Variants in CDH13 observed in about 807,000 individuals in gnomAD.
CDH13 encodes the protein cadherin 13.
CDH13 carries 24 observed loss-of-function variants against 63.8 expected under a neutral mutation model. The ratio of observed to expected loss-of-function variants is 0.38; its 90% CI spans 0.27 to 0.53. The LOEUF is 0.53. Ranked by LOEUF, CDH13 falls within the 20% of genes least tolerant of loss-of-function variation. The pLI is 0.85. For missense variants in CDH13, 1,049 were observed against 903.1 expected (o/e 1.16, Z -2.07); for synonymous variants, 503 against 355.3 (o/e 1.42, Z -4.67).
At chr16:82,887,209 A>G (rs1424629581) in intron 2 of CDH13, among the ~76,000 whole-genome samples, 1 of 152,150 alleles carries the variant, frequency 6.6e-6, no homozygotes, top group Non-Finnish European at 1.5e-5. Context: ...AAAGGGCCAA[A>G]TAATACATAC....
chr16:82,780,215 A>G (rs1446146701), intron 1 of CDH13, among the ~76,000 whole-genome samples: 1 of 152,200 alleles, frequency 6.6e-6, no homozygotes, highest in Non-Finnish European at 1.5e-5. Context: ...ATGTCGACCC[A>G]CAAGTGGTTA....
chr16:82,807,932 C>CT (rs1256006260), intron 1 of CDH13, among the ~76,000 whole-genome samples: 1 of 152,126 alleles, frequency 6.6e-6, no homozygotes, highest in African/African-American at 2.4e-5. Context: ...TTAAAACGAT[C>CT]AAAGGGAATT....
At chr16:83,152,921 G>A (rs186109795) in intron 4 of CDH13, among the ~76,000 whole-genome samples, 27 of 152,274 alleles carry the variant, frequency 1.8e-4, no homozygotes, top group Non-Finnish European at 3.7e-4. Context: ...AAAGAACACT[G>A]TGTGAGCAGG....
At chr16:82,875,170 G>A (rs2040463362) in intron 2 of CDH13, among the ~76,000 whole-genome samples, 1 of 152,210 alleles carries the variant, frequency 6.6e-6, no homozygotes, top group African/African-American at 2.4e-5. Context: ...TTTTGCGTAT[G>A]ACAAAAGTTG....
chr16:82,685,356 A>G (rs1366057961), intron 1 of CDH13, among the ~76,000 whole-genome samples: 2 of 152,152 alleles, frequency 1.3e-5, no homozygotes, highest in Non-Finnish European at 2.9e-5. Context: ...AGGGATCTGG[A>G]TGGAGCCTCT....
At chr16:83,175,413 G>A (rs1050898097) in intron 4 of CDH13, among the ~76,000 whole-genome samples, 8 of 151,968 alleles carry the variant, frequency 5.3e-5, no homozygotes, top group Admixed American at 1.3e-4. Flanking sequence ...CTATTAATTC[G>A]GCTCTGTTTC....
At chr16:83,730,325 G>A (rs74834521) in intron 10 of CDH13, among the ~76,000 whole-genome samples, 2,935 of 152,302 alleles carry the variant, frequency 0.019, 37 homozygotes, top group Middle Eastern at 0.034. Flanking sequence ...CTCATTTGAT[G>A]TTATTAACCT....
chr16:83,521,895 A>C (rs1338813186), intron 7 of CDH13, among the ~76,000 whole-genome samples: 2 of 152,214 alleles, frequency 1.3e-5, no homozygotes, highest in African/African-American at 4.8e-5. Flanking sequence ...TCATCCTACT[A>C]TATGAGGTCG....
chr16:82,957,399 A>AT (rs1305409918), intron 2 of CDH13, among the ~76,000 whole-genome samples: 2 of 152,172 alleles, frequency 1.3e-5, no homozygotes, highest in Admixed American at 6.5e-5. Flanking sequence ...GAATCACACC[A>AT]TTTTTTGCTA....
chr16:83,588,134 C>T (rs1003948396), intron 7 of CDH13, among the ~76,000 whole-genome samples: 1 of 152,182 alleles, frequency 6.6e-6, no homozygotes, highest in East Asian at 1.9e-4. Flanking sequence ...AGCCCATCAG[C>T]TCCAAAGCAG....
intron 1 of CDH13, among the ~76,000 whole-genome samples, chr16:82,835,581 G>A (rs1242908521): frequency 6.6e-6 from 1 of 152,174 alleles, no homozygotes; most frequent in African/African-American, 2.4e-5. Flanking sequence ...CAATTCCGCT[G>A]CTGGTTATTT....
chr16:82,681,851 G>C (rs1191038299), intron 1 of CDH13, among the ~76,000 whole-genome samples: 1 of 152,252 alleles, frequency 6.6e-6, no homozygotes, highest in Admixed American at 6.5e-5. Context: ...TGCACTCCAG[G>C]TGGGGTCCAG....
At chr16:83,541,143 A>G (rs190848108) in intron 7 of CDH13, among the ~76,000 whole-genome samples, 2 of 152,200 alleles carry the variant, frequency 1.3e-5, no homozygotes, top group South Asian at 2.1e-4. Flanking sequence ...TCTGGCCTAC[A>G]CTAGTGCCCA....
At chr16:83,463,625 A>AC (rs2073235149) in intron 6 of CDH13, among the ~76,000 whole-genome samples, 1 of 152,012 alleles carries the variant, frequency 6.6e-6, no homozygotes, top group African/African-American at 2.4e-5. Context: ...ACATAGTGAG[A>AC]CCCCCATCAT....
intron 7 of CDH13, among the ~76,000 whole-genome samples, chr16:83,592,465 A>C (rs1906850705): frequency 6.6e-6 from 1 of 152,182 alleles, no homozygotes; most frequent in African/African-American, 2.4e-5. Flanking sequence ...ACTGAATGTC[A>C]AGTATTTGCC....
chr16:82,988,127 C>G (rs1597364587), intron 2 of CDH13, among the ~76,000 whole-genome samples: 1 of 152,146 alleles, frequency 6.6e-6, no homozygotes, highest in South Asian at 2.1e-4. Context: ...TGGGCCAAAA[C>G]CAAAGCAATA....
At chr16:83,501,693 C>A (rs1454521879) in intron 7 of CDH13, among the ~76,000 whole-genome samples, 1 of 152,198 alleles carries the variant, frequency 6.6e-6, no homozygotes, top group Non-Finnish European at 1.5e-5. Flanking sequence ...GAGTCACCCA[C>A]TGGAGAGCCA....
intron 2 of CDH13, among the ~76,000 whole-genome samples, chr16:82,928,631 A>G (rs991371808): frequency 2.0e-5 from 3 of 152,256 alleles, no homozygotes; most frequent in African/African-American, 7.2e-5. Context: ...TAAATAAATA[A>G]GAATTGTCCA....
chr16:83,397,459 A>G (rs1055590880), intron 6 of CDH13: 4 of 152,168 alleles, frequency 2.6e-5, no homozygotes, highest in Non-Finnish European at 4.4e-5. Context: ...TGTGACTTTT[A>G]TAAGGTCTAG....
Sources: allele counts gnomAD v4.1 joint callset (sites outside exome capture counted in the v4.1 genomes callset), GRCh38; gene constraint gnomAD v4.1.1; transcripts MANE v1.5; gene names NCBI Gene and HGNC (gene_info 2026-07-23, HGNC 2026-07-21).